FBXO34: variants seen among roughly 807,000 people sequenced by gnomAD.
The protein encoded by FBXO34 is F-box protein 34, also known as F-box only protein 34.
A neutral mutation model predicts 24.5 loss-of-function variants in FBXO34; 12 were observed. The ratio of observed to expected loss-of-function variants is 0.49; its 90% CI spans 0.31 to 0.79. The LOEUF is 0.79. FBXO34 is among the 30% of genes least tolerant of loss of function. The pLI is 0.04. For synonymous variants in FBXO34, 320 were observed against 311.9 expected, an observed-to-expected ratio of 1.03 and a Z score of -0.27; for missense variants, 823 against 857.7, an observed-to-expected ratio of 0.96 and a Z score of 0.51.
chr14:55,372,408 A>T (rs779161380), downstream of FBXO34, among the ~76,000 whole-genome samples: 1 of 152,028 alleles, frequency 6.6e-6, no homozygotes, highest in Non-Finnish European at 1.5e-5. Context: ...TAAACCAAAG[A>T]TGCTCTGATT....
intron 1 of FBXO34, chr14:55,299,252 G>C: frequency 2.5e-6 from 2 of 816,076 alleles, no homozygotes; most frequent in Non-Finnish European, 4.4e-6. Flanking sequence ...GAAGGATTTG[G>C]AGAACTGGGC....
chr14:55,380,031 G>C, the FBXO34 span, among the ~76,000 whole-genome samples: 3 of 152,298 alleles, frequency 2.0e-5, no homozygotes, highest in East Asian at 1.9e-4. Context: ...TGAATCACTT[G>C]AGGTCAGGAG....
At chr14:55,369,017 A>C (rs1884748978), downstream of FBXO34, 1 of 152,262 alleles carries the variant, frequency 6.6e-6, no homozygotes, top group African/African-American at 2.4e-5. Flanking sequence ...AAAGAAAAAC[A>C]GGAATGTCTG....
the FBXO34 span, among the ~76,000 whole-genome samples, chr14:55,383,421 G>A: frequency 2.0e-5 from 3 of 151,798 alleles, no homozygotes; most frequent in African/African-American, 7.3e-5. Flanking sequence ...CGTGGTGGTG[G>A]GTGCCTGTAA....
chr14:55,312,220 A>G (rs958776142), intron 1 of FBXO34, among the ~76,000 whole-genome samples: 5 of 152,068 alleles, frequency 3.3e-5, no homozygotes, highest in East Asian at 1.9e-4. Context: ...CAAACAAACA[A>G]AAAACCTTAA....
intron 1 of FBXO34, among the ~76,000 whole-genome samples, chr14:55,301,343 G>C (rs1472338821): frequency 6.6e-6 from 1 of 151,968 alleles, no homozygotes; most frequent in African/African-American, 2.4e-5. Context: ...AGGCTGAGGT[G>C]GGAGGATCAC....
chr14:55,382,020 A>G, the FBXO34 span: 8 of 1,614,000 alleles, frequency 5.0e-6, no homozygotes, highest in Non-Finnish European at 6.8e-6. Context: ...AGTAGTCCCC[A>G]TTGTTAGGGA....
chr14:55,379,745 G>A, the FBXO34 span, among the ~76,000 whole-genome samples: 4 of 152,066 alleles, frequency 2.6e-5, no homozygotes, highest in Non-Finnish European at 5.9e-5. Context: ...TTTTTGAGAC[G>A]AAGTCTCATT....
chr14:55,289,846 C>T (rs1301078171), intron 1 of FBXO34, among the ~76,000 whole-genome samples: 1 of 151,906 alleles, frequency 6.6e-6, no homozygotes, highest in East Asian at 1.9e-4. Context: ...CAAGCCCAGT[C>T]ACTGTCTACC....
At chr14:55,324,235 A>G (rs570899731) in intron 1 of FBXO34, among the ~76,000 whole-genome samples, 4 of 152,320 alleles carry the variant, frequency 2.6e-5, no homozygotes, top group Admixed American at 2.0e-4. Flanking sequence ...GATGTCTTCA[A>G]GGTTTATCCA....
rs185622163 is a variant in FBXO34, at chr14:55,302,561, G to A, written c.-11+31024G>A. On this transcript the variant is annotated intron_variant, in intron 1 of 1. Coordinates refer to ENST00000313833, the MANE Select transcript of FBXO34 (RefSeq NM_017943.4). Reference sequence around the variant, plus strand: ...CTGCTTTGGCCTCCCAAAGTGCTAGGATTACTGGTGTGAGCCACTGCACTT... The same window carrying A: ...CTGCTTTGGCCTCCCAAAGTGCTAGAATTACTGGTGTGAGCCACTGCACTT... Among the ~76,000 whole-genome samples the A allele has an allele frequency of 2.0e-3, 305 of 149,440 alleles. 1 individual carries two copies. The Middle Eastern group carries it at 0.048, about 24-fold the overall frequency.
the FBXO34 span, among the ~76,000 whole-genome samples, chr14:55,375,964 T>A: frequency 1.3e-5 from 2 of 152,236 alleles, no homozygotes; most frequent in Non-Finnish European, 2.9e-5. Context: ...CTAGTAATTT[T>A]CCCCCCTAAT....
intron 1 of FBXO34, among the ~76,000 whole-genome samples, chr14:55,317,657 T>G (rs1346055256): frequency 6.6e-6 from 1 of 152,228 alleles, no homozygotes; most frequent in Non-Finnish European, 1.5e-5. Flanking sequence ...TGACATCATT[T>G]AGTAGCTTGA....
intron 1 of FBXO34, among the ~76,000 whole-genome samples, chr14:55,338,911 C>CAA (rs796292918): frequency 2.9e-5 from 3 of 103,276 alleles, no homozygotes; most frequent in African/African-American, 1.0e-4. Context: ...ATCTCAAAAA[C>CAA]AAAAAAAAAC....
At chr14:55,288,825 C>T (rs939291731) in intron 1 of FBXO34, among the ~76,000 whole-genome samples, 4 of 152,044 alleles carry the variant, frequency 2.6e-5, no homozygotes, top group Admixed American at 1.3e-4. Flanking sequence ...CTCAGGTGGG[C>T]GGATCACTTG....
the FBXO34 span, among the ~76,000 whole-genome samples, chr14:55,380,878 T>A: frequency 0.016 from 2,303 of 140,404 alleles, 19 homozygotes; most frequent in African/African-American, 0.038. Flanking sequence ...TATATATATT[T>A]TTTTTTTTTT....
chr14:55,376,881 C>T, the FBXO34 span, among the ~76,000 whole-genome samples: 3 of 152,310 alleles, frequency 2.0e-5, no homozygotes, highest in East Asian at 1.9e-4. Flanking sequence ...AGCTAAGGCT[C>T]GTACAGTACA....
At chr14:55,327,645 A>G (rs1399961329) in intron 1 of FBXO34, among the ~76,000 whole-genome samples, 3 of 152,122 alleles carry the variant, frequency 2.0e-5, no homozygotes, top group African/African-American at 7.2e-5. Context: ...TGGAAAGTGC[A>G]TAGGGAATCA....
chr14:55,411,936 C>G, the FBXO34 span: 2 of 948,314 alleles, frequency 2.1e-6, no homozygotes, highest in South Asian at 1.7e-5. Context: ...GCCCCCGGAC[C>G]CCTCCGCCGC....
Sources: allele counts gnomAD v4.1 joint callset (sites outside exome capture counted in the v4.1 genomes callset), GRCh38; gene constraint gnomAD v4.1.1; transcripts MANE v1.5; gene names NCBI Gene and HGNC (gene_info 2026-07-23, HGNC 2026-07-21).